Variants in SBF2 observed in about 807,000 individuals in gnomAD.
SBF2 encodes the protein SET binding factor 2.
A neutral mutation model predicts 225.2 loss-of-function variants in SBF2; 112 were observed. That is an observed-to-expected ratio of 0.50 (90% CI 0.43 to 0.58). The LOEUF (loss-of-function observed/expected upper bound fraction) is 0.58, where lower values mean the gene tolerates loss of function less well. Ranked by LOEUF, SBF2 falls within the 20% of genes least tolerant of loss-of-function variation. The pLI is 0.00. For missense variants in SBF2, 1,996 were observed against 2,206.2 expected (o/e 0.90, Z 1.91); for synonymous variants, 763 against 773.3 (o/e 0.99, Z 0.22).
intron 2 of SBF2, among the ~76,000 whole-genome samples, chr11:10,051,154 A>G (rs889577900): frequency 2.0e-5 from 3 of 152,158 alleles, no homozygotes; most frequent in African/African-American, 4.8e-5. Context: ...ATAGGTTTCA[A>G]TATTTCCCAA....
At chr11:10,213,379 C>T (rs1196468118) in intron 1 of SBF2, among the ~76,000 whole-genome samples, 2 of 152,290 alleles carry the variant, frequency 1.3e-5, no homozygotes, top group Admixed American at 1.3e-4. Flanking sequence ...AACAAGCAGA[C>T]AATCAGAACC....
chr11:10,077,879 A>C (rs1951182692), intron 2 of SBF2, among the ~76,000 whole-genome samples: 1 of 152,234 alleles, frequency 6.6e-6, no homozygotes, highest in South Asian at 2.1e-4. Flanking sequence ...AATTTCTGCA[A>C]ACTATCCATC....
At chr11:9,909,467 C>A (rs536057382) in intron 16 of SBF2, among the ~76,000 whole-genome samples, 1 of 151,836 alleles carries the variant, frequency 6.6e-6, no homozygotes, top group Non-Finnish European at 1.5e-5. Flanking sequence ...GTCAGGAGAT[C>A]GAGACCATCC....
chr11:9,962,688 C>T (rs1003424262), intron 15 of SBF2, among the ~76,000 whole-genome samples: 5 of 152,192 alleles, frequency 3.3e-5, no homozygotes, highest in African/African-American at 1.2e-4. Context: ...CGCTTTACAA[C>T]AGGCACATCC....
intron 38 of SBF2, among the ~76,000 whole-genome samples, chr11:9,783,976 T>C (rs10770062): frequency 0.84 from 127,194 of 152,116 alleles, 54,080 homozygotes; most frequent in Non-Finnish European, 0.91. Context: ...TTCACAGGCA[T>C]AGGCTTATAT....
At chr11:9,873,750 T>C (rs1182244867) in intron 17 of SBF2, among the ~76,000 whole-genome samples, 1 of 152,174 alleles carries the variant, frequency 6.6e-6, no homozygotes, top group African/African-American at 2.4e-5. Context: ...GTAAGTCCCT[T>C]GAAAGAGCAT....
intron 16 of SBF2, among the ~76,000 whole-genome samples, chr11:9,901,901 C>T (rs1352442783): frequency 6.6e-6 from 1 of 152,180 alleles, no homozygotes; most frequent in Non-Finnish European, 1.5e-5. Context: ...CACATTTGGC[C>T]TCCCAAAGTG....
intron 1 of SBF2, among the ~76,000 whole-genome samples, chr11:10,258,109 C>CACA (rs1555098198): frequency 6.7e-5 from 9 of 133,488 alleles, no homozygotes; most frequent in Non-Finnish European, 6.5e-5. Context: ...CACACACACA[C>CACA]TTTTTTTTTT....
chr11:10,199,165 T>A (rs1238851884), intron 1 of SBF2, among the ~76,000 whole-genome samples: 1 of 152,132 alleles, frequency 6.6e-6, no homozygotes, highest in Non-Finnish European at 1.5e-5. Flanking sequence ...TGTAAAGTCA[T>A]CAACTAACCC....
intron 2 of SBF2, among the ~76,000 whole-genome samples, chr11:10,139,151 T>G (rs565004744): frequency 4.6e-5 from 7 of 152,298 alleles, no homozygotes; most frequent in Admixed American, 4.6e-4. Flanking sequence ...TGTGTATTAT[T>G]TTTAGTTTAC....
chr11:10,284,921 G>GTTT (rs34656701), intron 1 of SBF2, among the ~76,000 whole-genome samples: 2 of 147,960 alleles, frequency 1.4e-5, no homozygotes, highest in African/African-American at 5.0e-5. Flanking sequence ...GCTGACAAGA[G>GTTT]TTTTTTTTTT....
chr11:9,913,600 A>G (rs1397694061), intron 16 of SBF2, among the ~76,000 whole-genome samples: 1 of 151,974 alleles, frequency 6.6e-6, no homozygotes, highest in Admixed American at 6.6e-5. Context: ...ATTGCATGGC[A>G]ATGATGTTTT....
At chr11:9,978,265 G>C (rs1180073923) in intron 13 of SBF2, among the ~76,000 whole-genome samples, 1 of 152,096 alleles carries the variant, frequency 6.6e-6, no homozygotes, top group African/African-American at 2.4e-5. Flanking sequence ...CATGAATGAT[G>C]ATTTTGTCAT....
At chr11:10,204,664 A>C (rs1272274968) in intron 1 of SBF2, among the ~76,000 whole-genome samples, 1 of 151,988 alleles carries the variant, frequency 6.6e-6, no homozygotes, top group African/African-American at 2.4e-5. Flanking sequence ...TCTCAAAAAA[A>C]AAAAAAGGAA....
intron 2 of SBF2, among the ~76,000 whole-genome samples, chr11:10,069,739 T>A (rs1950789430): frequency 6.6e-6 from 1 of 152,232 alleles, no homozygotes; most frequent in Non-Finnish European, 1.5e-5. Context: ...CACCAAACTG[T>A]CTTCCACAAT....
chr11:9,972,311 A>C (rs1946500073), intron 13 of SBF2, among the ~76,000 whole-genome samples: 1 of 152,112 alleles, frequency 6.6e-6, no homozygotes, highest in Admixed American at 6.6e-5. Flanking sequence ...GTTTTCCAAA[A>C]ATTTTGGCTA....
At chr11:10,120,600 A>G (rs758564243) in intron 2 of SBF2, among the ~76,000 whole-genome samples, 26 of 151,864 alleles carry the variant, frequency 1.7e-4, no homozygotes, top group Admixed American at 5.9e-4. Flanking sequence ...CCTCAGTAAC[A>G]CTTGTTGTTT....
intron 17 of SBF2, among the ~76,000 whole-genome samples, chr11:9,894,650 C>A (rs57108291): frequency 0.015 from 2,249 of 151,924 alleles, 62 homozygotes; most frequent in African/African-American, 0.051. Flanking sequence ...TGCCACTGCA[C>A]TACAGCCTGG....
intron 1 of SBF2, among the ~76,000 whole-genome samples, chr11:10,248,920 C>T (rs889015292): frequency 2.0e-5 from 3 of 151,972 alleles, no homozygotes; most frequent in Non-Finnish European, 4.4e-5. Flanking sequence ...ACAGTGAAAC[C>T]CCGTCACTAC....
Sources: gnomAD v4.1 joint callset for allele counts (sites outside exome capture counted in the v4.1 genomes callset) on GRCh38, gnomAD v4.1.1 for gene constraint, MANE v1.5 for transcripts, NCBI Gene and HGNC (gene_info 2026-07-23, HGNC 2026-07-21) for gene names.